The following FBXO11 variants were observed in gnomAD, a reference collection of about 807,000 sequenced individuals.
FBXO11 encodes the protein F-box protein 11.
Under a neutral mutation model 117.0 loss-of-function variants are expected in FBXO11, and 13 were observed. That is an observed-to-expected ratio of 0.11 (90% CI 0.07 to 0.18). FBXO11 has a LOEUF of 0.18. Among genes scored for constraint, FBXO11 ranks in the 10% least tolerant of loss-of-function variants. The pLI is 1.00. For synonymous variants in FBXO11, 490 were observed against 380.5 expected (o/e 1.29, Z -3.35); for missense variants, 767 against 1,164.4 (o/e 0.66, Z 4.97).
At chr2:47,838,234 C>CA (rs1320326526) in intron 4 of FBXO11, among the ~76,000 whole-genome samples, 9 of 151,836 alleles carry the variant, frequency 5.9e-5, no homozygotes, top group African/African-American at 1.7e-4. Flanking sequence ...CCCTGTCTCT[C>CA]AAAAAACAAA....
At chr2:47,887,335 T>C (rs1676938314) in intron 1 of FBXO11, among the ~76,000 whole-genome samples, 2 of 151,572 alleles carry the variant, frequency 1.3e-5, no homozygotes, top group South Asian at 4.1e-4. Context: ...ATCTCGAATT[T>C]TTTTTTTTTT....
At chr2:47,855,490 C>T (rs1384948066) in intron 1 of FBXO11, among the ~76,000 whole-genome samples, 2 of 152,096 alleles carry the variant, frequency 1.3e-5, no homozygotes, top group Non-Finnish European at 2.9e-5. Flanking sequence ...ACAGGATGGA[C>T]ACCATCAGTG....
intron 1 of FBXO11, among the ~76,000 whole-genome samples, chr2:47,871,969 T>C (rs895477283): frequency 1.3e-5 from 2 of 152,252 alleles, no homozygotes; most frequent in Non-Finnish European, 2.9e-5. Flanking sequence ...TTTTGTTCTT[T>C]AATGATCCTT....
At chr2:47,894,651 T>A (rs1677520849) in intron 1 of FBXO11, among the ~76,000 whole-genome samples, 1 of 152,186 alleles carries the variant, frequency 6.6e-6, no homozygotes, top group Non-Finnish European at 1.5e-5. Context: ...GTGAATAAAC[T>A]TTCTGACTAG....
chr2:47,883,462 T>C, intron 1 of FBXO11: 1 of 403,808 alleles, frequency 2.5e-6, no homozygotes. Context: ...AAAATGCAGA[T>C]TTTTGTAAAA....
intron 11 of FBXO11, among the ~76,000 whole-genome samples, chr2:47,831,510 A>G (rs193052371): frequency 9.4e-4 from 143 of 152,132 alleles, no homozygotes; most frequent in African/African-American, 3.0e-3. Context: ...GGATTGCTTA[A>G]TATTGTATAA....
intron 11 of FBXO11, among the ~76,000 whole-genome samples, chr2:47,830,146 A>G (rs886978702): frequency 2.0e-5 from 3 of 152,204 alleles, no homozygotes; most frequent in Admixed American, 6.5e-5. Flanking sequence ...GTAAAACAAT[A>G]CATCAGCAAA....
At chr2:47,849,247 T>A (rs1299430663) in intron 1 of FBXO11, among the ~76,000 whole-genome samples, 1 of 152,216 alleles carries the variant, frequency 6.6e-6, no homozygotes, top group Admixed American at 6.5e-5. Flanking sequence ...ATAATAGAGA[T>A]CCCAAAAGTA....
In FBXO11 at chr2:47,819,019, T is replaced by A. The variant is rs770049622; in HGVS notation, c.1857A>T (p.Gly619=). 1 of 1,614,088 alleles carries A rather than the reference T, an allele frequency of 6.2e-7. No individual in the cohort carries two copies. Among genetic ancestry groups the A allele is most frequent in the Non-Finnish European group, 8.5e-7 (1 of 1,179,956 alleles). The stretch of plus-strand genomic sequence containing the variant: ...GAGTGCTGCCAGTTGTCACCCAGAC[T>A]CCAGCTAGAGTGTTACTATAAACTT... ...ENEVYSNTLA[G]VWVTTGSTPV... Residue 619 remains glycine (G), a synonymous_variant, in exon 15 of 23, where the codon GGA becomes GGT. Coordinates refer to ENST00000403359, the MANE Select transcript of FBXO11 (RefSeq NM_001190274.2).
chr2:47,820,003 A>T (rs1320910501), intron 14 of FBXO11, among the ~76,000 whole-genome samples: 1 of 152,244 alleles, frequency 6.6e-6, no homozygotes, highest in African/African-American at 2.4e-5. Context: ...TCAGTGACTC[A>T]TACAGTAGTC....
intron 1 of FBXO11, among the ~76,000 whole-genome samples, chr2:47,904,217 T>G (rs919768056): frequency 3.9e-5 from 6 of 152,214 alleles, no homozygotes; most frequent in Non-Finnish European, 5.9e-5. Context: ...AACAAACGCA[T>G]GTAAAATTAA....
intron 1 of FBXO11, among the ~76,000 whole-genome samples, chr2:47,901,030 T>TAC (rs1287010639): frequency 3.6e-5 from 5 of 139,304 alleles, no homozygotes; most frequent in Admixed American, 7.0e-5. Flanking sequence ...TGTATATATA[T>TAC]ACACACGTGT....
chr2:47,860,686 C>T (rs571483572), intron 1 of FBXO11, among the ~76,000 whole-genome samples: 3 of 151,324 alleles, frequency 2.0e-5, no homozygotes, highest in Non-Finnish European at 2.9e-5. Context: ...GAATTACATG[C>T]GTGAGCCACC....
chr2:47,807,039 A>G lies in FBXO11; in HGVS notation c.*1079T>C. The G allele has an allele frequency of 1.6e-6, 1 of 618,862 alleles. No homozygotes were observed. Among genetic ancestry groups the G allele is most frequent in the East Asian group, 2.8e-5 (1 of 35,836 alleles). 38.3% of individuals were successfully genotyped at this position (618,862 alleles called of 1,614,324 possible). Reference sequence around the variant, plus strand: ...TAATGGTTATTGAATACTCCACAATATATTAAGTCTAGATGTTATGGTACA... The same window carrying G: ...TAATGGTTATTGAATACTCCACAATGTATTAAGTCTAGATGTTATGGTACA... On this transcript the variant is annotated 3_prime_UTR_variant, in exon 23 of 23. Coordinates refer to ENST00000403359, the MANE Select transcript of FBXO11 (RefSeq NM_001190274.2).
chr2:47,902,681 C>A (rs757916732), intron 1 of FBXO11, among the ~76,000 whole-genome samples: 12 of 152,150 alleles, frequency 7.9e-5, no homozygotes, highest in Non-Finnish European at 1.3e-4. Context: ...AAAGACCATT[C>A]TGACAGACTT....
At chr2:47,872,657 TA>T (rs924859005) in intron 1 of FBXO11, among the ~76,000 whole-genome samples, 7 of 152,282 alleles carry the variant, frequency 4.6e-5, no homozygotes, top group East Asian at 1.9e-4. Flanking sequence ...TAAGACATTA[TA>T]TTTTTTTGCA....
In FBXO11 at chr2:47,807,140, T is replaced by G. The variant is rs753833902; in HGVS notation, c.*978A>C. Reference sequence around the variant, plus strand: ...TGGGGGAGGAAAAGCTATGAAACTGTATAGGGCTGTATATATACTTGTCTC... The same window carrying G: ...TGGGGGAGGAAAAGCTATGAAACTGGATAGGGCTGTATATATACTTGTCTC... On this transcript the variant is annotated 3_prime_UTR_variant, in exon 23 of 23. Transcript: ENST00000403359. The G allele has an allele frequency of 4.6e-4, 186 of 404,506 alleles. No individual in the cohort carries two copies. The highest frequency in any genetic ancestry group is 7.1e-4 in the Non-Finnish European group (159 of 224,126). 25.1% of individuals were successfully genotyped at this position (404,506 alleles called of 1,614,324 possible).
At chr2:47,885,434 G>C (rs1269561687) in intron 1 of FBXO11, among the ~76,000 whole-genome samples, 1 of 152,066 alleles carries the variant, frequency 6.6e-6, no homozygotes, top group African/African-American at 2.4e-5. Flanking sequence ...TCTACCAAGG[G>C]CGTGGTGGTG....
At chr2:47,835,834 T>C (rs766172281) in intron 5 of FBXO11, 38 bp downstream of exon 5, 2 of 1,493,110 alleles carry the variant, frequency 1.3e-6, no homozygotes, top group Non-Finnish European at 1.8e-6. Flanking sequence ...TTTACAAATG[T>C]ATAATATAAA....
Sources: gnomAD v4.1 joint callset for allele counts (sites outside exome capture counted in the v4.1 genomes callset) on GRCh38, gnomAD v4.1.1 for gene constraint, MANE v1.5 for transcripts, NCBI Gene and HGNC (gene_info 2026-07-23, HGNC 2026-07-21) for gene names.